FCHSD2: variants seen among roughly 807,000 people sequenced by gnomAD.
The protein encoded by FCHSD2 is F-BAR and double SH3 domains protein 2.
In FCHSD2, 38 loss-of-function variants were observed where a neutral mutation model predicts 108.1. That is an observed-to-expected ratio of 0.35 (90% CI 0.27 to 0.46). The LOEUF (loss-of-function observed/expected upper bound fraction) is 0.46. Ranked by LOEUF, FCHSD2 falls within the 20% of genes least tolerant of loss-of-function variation. The probability of loss-of-function intolerance (pLI) is 1.00; values close to 1 mark genes in which losing one functional copy is unlikely to be tolerated. For synonymous variants in FCHSD2, 279 were observed against 314.7 expected (o/e 0.89, Z 1.20); for missense variants, 751 against 897.8 (o/e 0.84, Z 2.09).
intron 9 of FCHSD2, among the ~76,000 whole-genome samples, chr11:72,915,105 GA>G (rs1010399585): frequency 1.7e-4 from 25 of 150,842 alleles, no homozygotes; most frequent in African/African-American, 6.1e-4. Flanking sequence ...AGACACTTCT[GA>G]AAATAAGACA....
intron 4 of FCHSD2, among the ~76,000 whole-genome samples, chr11:73,002,627 T>C (rs1254581666): frequency 1.3e-5 from 2 of 152,220 alleles, no homozygotes; most frequent in Non-Finnish European, 2.9e-5. Context: ...CATTATAAAT[T>C]GTGATAGGAA....
intron 4 of FCHSD2, among the ~76,000 whole-genome samples, chr11:73,005,031 A>C (rs996654754): frequency 6.6e-6 from 1 of 152,076 alleles, no homozygotes; most frequent in African/African-American, 2.4e-5. Context: ...CTGAAGGCCA[A>C]CTCCTCACAT....
intron 3 of FCHSD2, among the ~76,000 whole-genome samples, chr11:73,033,016 C>T (rs1318101290): frequency 6.6e-6 from 1 of 151,994 alleles, no homozygotes; most frequent in African/African-American, 2.4e-5. Context: ...TGGCCGGGTG[C>T]GGTGGCTCAC....
chr11:73,052,682 A>C (rs1565386643), intron 3 of FCHSD2, among the ~76,000 whole-genome samples: 1 of 152,216 alleles, frequency 6.6e-6, no homozygotes, highest in African/African-American at 2.4e-5. Flanking sequence ...GAATTGGACA[A>C]TTGGATTTAT....
chr11:72,861,395 CAAA>C (rs34484683), intron 13 of FCHSD2, among the ~76,000 whole-genome samples: 4 of 142,684 alleles, frequency 2.8e-5, no homozygotes, highest in Admixed American at 2.1e-4. Flanking sequence ...TAAAAACTTC[CAAA>C]AAAAAAAAAA....
At chr11:73,132,965 A>T (rs934215632) in intron 2 of FCHSD2, among the ~76,000 whole-genome samples, 3 of 152,236 alleles carry the variant, frequency 2.0e-5, no homozygotes, top group African/African-American at 7.2e-5. Context: ...GTACTTGAAT[A>T]GACATTTCTT....
Position 72,868,026 on chromosome 11 carries a change from T to C in FCHSD2, c.1147A>G (p.Ile383Val). 1 of 1,552,214 alleles carries C rather than the reference T, an allele frequency of 6.4e-7. No individual in the cohort carries two copies. The highest frequency in any genetic ancestry group is 1.4e-5 in the African/African-American group (1 of 73,444). The change falls in exon 13 of 20, where the codon ATA becomes GTA. Residue 383 changes from isoleucine (I) to valine (V), a missense_variant and splice_region_variant. Physicochemically the swap from Ile to Val is conservative, Grantham distance 29. Transcript: ENST00000409418. Reference sequence around the variant, plus strand: ...CGGGCTTCAGCTTTCAATTTAATTATCTAGAGAACCAAGAAAATGGTCGGA... The same window carrying C: ...CGGGCTTCAGCTTTCAATTTAATTACCTAGAGAACCAAGAAAATGGTCGGA... ...EARENIRKAEIIKLKAEARLD... is the reference protein window; with the variant it reads ...EARENIRKAEVIKLKAEARLD...
At chr11:72,915,079 G>A (rs1855844977) in intron 9 of FCHSD2, among the ~76,000 whole-genome samples, 1 of 148,928 alleles carries the variant, frequency 6.7e-6, no homozygotes, top group Non-Finnish European at 1.5e-5. Flanking sequence ...TTCAAAAGTG[G>A]GCAAACGACA....
rs1376378652 is a variant in FCHSD2, at chr11:72,988,972, G to T, written c.513C>A (p.Ile171=). ...AATGTTAAAACACATACTTTGCCTC[G>T]ATGTCAGCTTTCTCTCGTACTGCAT... ...MAHAVREKAD[I]EAKSKLSLFQ... The change falls in exon 6 of 20, where the codon ATC becomes ATA. Residue 171 remains isoleucine (I), a synonymous_variant. Coordinates refer to ENST00000409418, the MANE Select transcript of FCHSD2 (RefSeq NM_014824.3). The T allele has an allele frequency of 3.1e-5, 50 of 1,602,724 alleles. No homozygotes were observed. Among genetic ancestry groups the T allele is most frequent in the Non-Finnish European group, 4.0e-5 (47 of 1,176,008 alleles).
intron 9 of FCHSD2, among the ~76,000 whole-genome samples, chr11:72,910,461 C>G (rs576559561): frequency 6.6e-6 from 1 of 152,266 alleles, no homozygotes; most frequent in Non-Finnish European, 1.5e-5. Flanking sequence ...ATAGGAGACT[C>G]CATTTTGTTC....
At chr11:73,038,099 A>G (rs12421489) in intron 3 of FCHSD2, among the ~76,000 whole-genome samples, 1 of 152,196 alleles carries the variant, frequency 6.6e-6, no homozygotes, top group Admixed American at 6.5e-5. Flanking sequence ...TCACTAAAAA[A>G]TTCTTATGAC....
At position 72,936,503 on chromosome 11, in the gene FCHSD2, C is replaced by T. The variant is rs76404487; in HGVS notation, c.706-14553G>A. Among the ~76,000 whole-genome samples, 723 of 152,280 alleles carry T rather than the reference C, an allele frequency of 4.7e-3. 15 individuals are homozygous for T. The East Asian group carries it at 0.079, about 17-fold the overall frequency. ...AAACTCAAGAATCTCGACCAGGTGC[C>T]ATGGCTCATGCCTGTACTCCCAGCA... On this transcript the variant is annotated intron_variant, in intron 8 of 19. Transcript: ENST00000409418.
Position 73,032,919 on chromosome 11 carries a change from G to A in FCHSD2, c.166-17034C>T, listed in dbSNP as rs191719006. Among the ~76,000 whole-genome samples the A allele has an allele frequency of 3.0e-3, 464 of 152,254 alleles. 1 individual carries two copies. Among genetic ancestry groups the A allele is most frequent in the African/African-American group, 0.011 (444 of 41,540 alleles). On this transcript the variant is annotated intron_variant, in intron 3 of 19. Transcript: ENST00000409418. ...AGACAACAGGAAATCAAGCTTGCGA[G>A]CAGTGCAGTGCCATTATCAGACTAA...
At chr11:73,086,110 T>C (rs1344742045) in intron 2 of FCHSD2, among the ~76,000 whole-genome samples, 1 of 152,206 alleles carries the variant, frequency 6.6e-6, no homozygotes, top group Admixed American at 6.5e-5. Flanking sequence ...AATACTTACA[T>C]TATTTTACAA....
At position 72,837,968 on chromosome 11, in the gene FCHSD2, G is replaced by C. The variant is rs540584639; in HGVS notation, c.*823C>G. 1 of 152,296 alleles carries C rather than the reference G, an allele frequency of 6.6e-6. No individual in the cohort carries two copies. Among genetic ancestry groups the C allele is most frequent in the South Asian group, 2.1e-4 (1 of 4,830 alleles). 9.4% of individuals were successfully genotyped at this position (152,296 alleles called of 1,614,324 possible). ...GATACTGGTAAGAAGAGTATATGCT[G>C]TAAAAATTAAGATGAAAAATACCCA... On this transcript the variant is annotated 3_prime_UTR_variant, in exon 20 of 20. Coordinates refer to ENST00000409418, the MANE Select transcript of FCHSD2 (RefSeq NM_014824.3).
intron 3 of FCHSD2, among the ~76,000 whole-genome samples, chr11:73,082,400 T>C (rs1466235813): frequency 7.2e-6 from 1 of 138,198 alleles, no homozygotes; most frequent in East Asian, 2.1e-4. Flanking sequence ...TTAAAACTGA[T>C]GCTATTCATT....
intron 8 of FCHSD2, among the ~76,000 whole-genome samples, chr11:72,952,989 G>A (rs935938140): frequency 1.3e-5 from 2 of 152,144 alleles, no homozygotes; most frequent in African/African-American, 4.8e-5. Flanking sequence ...ACTCCTCTAT[G>A]GTGCTGGCAG....
At chr11:73,093,447 G>A (rs1475938062) in intron 2 of FCHSD2, among the ~76,000 whole-genome samples, 1 of 152,160 alleles carries the variant, frequency 6.6e-6, no homozygotes, top group Admixed American at 6.5e-5. Context: ...TCAAAGTGAA[G>A]GAGGTATTAG....
chr11:73,131,184 C>A (rs1860987621), intron 2 of FCHSD2, among the ~76,000 whole-genome samples: 1 of 151,286 alleles, frequency 6.6e-6, no homozygotes, highest in Non-Finnish European at 1.5e-5. Context: ...GAGTTGGAGA[C>A]CAGCCCTAAC....
Sources: gnomAD v4.1 joint callset for allele counts (sites outside exome capture counted in the v4.1 genomes callset) on GRCh38, gnomAD v4.1.1 for gene constraint, MANE v1.5 for transcripts, NCBI Gene and HGNC (gene_info 2026-07-23, HGNC 2026-07-21) for gene names.